Variants in CYFIP1 observed in about 807,000 individuals in gnomAD.
The protein encoded by CYFIP1 is cytoplasmic FMR1-interacting protein 1.
Under a neutral mutation model 163.5 loss-of-function variants are expected in CYFIP1, and 58 were observed. The observed-to-expected ratio is 0.35, with a 90% CI of 0.29 to 0.44. The LOEUF (loss-of-function observed/expected upper bound fraction) is 0.44. Ranked by LOEUF, CYFIP1 falls within the 20% of genes least tolerant of loss-of-function variation. The probability of loss-of-function intolerance (pLI) is 1.00; values close to 1 mark genes in which losing one functional copy is unlikely to be tolerated. For missense variants in CYFIP1, 1,338 were observed against 1,653.8 expected (o/e 0.81, Z 3.31); for synonymous variants, 663 against 660.7 (o/e 1.00, Z -0.05).
At chr15:22,944,709 A>C (rs2061999620) in intron 4 of CYFIP1, 50 bp from the exon 5 acceptor site, 1 of 1,567,678 alleles carries the variant, frequency 6.4e-7, no homozygotes, top group Non-Finnish European at 8.8e-7. Context: ...TCCAGCCAGA[A>C]GCAGCCGCTG....
intron 9 of CYFIP1, among the ~76,000 whole-genome samples, chr15:22,934,971 G>T (rs1031155999): frequency 3.9e-5 from 6 of 152,146 alleles, no homozygotes; most frequent in Non-Finnish European, 8.8e-5. Context: ...ATGGAGAAAT[G>T]ATCATGTTTG....
intron 23 of CYFIP1, among the ~76,000 whole-genome samples, chr15:22,892,455 C>T (rs1566935702): frequency 6.6e-6 from 1 of 152,134 alleles, no homozygotes; most frequent in Non-Finnish European, 1.5e-5. Context: ...CTTCCCTGGG[C>T]TCACCTTTCC....
At chr15:22,950,518 T>C (rs2062212654) in intron 1 of CYFIP1, among the ~76,000 whole-genome samples, 1 of 152,042 alleles carries the variant, frequency 6.6e-6, no homozygotes, top group East Asian at 1.9e-4. Flanking sequence ...GAAGAAGAAA[T>C]GCCATAGCCA....
At chr15:22,972,155 G>A (rs2063121751) in intron 1 of CYFIP1, among the ~76,000 whole-genome samples, 1 of 152,186 alleles carries the variant, frequency 6.6e-6, no homozygotes, top group Non-Finnish European at 1.5e-5. Context: ...TACTACAGAG[G>A]CTGGGCATGG....
At chr15:22,908,196 C>CA (rs1267254427) in intron 21 of CYFIP1, among the ~76,000 whole-genome samples, 2 of 152,146 alleles carry the variant, frequency 1.3e-5, no homozygotes, top group Non-Finnish European at 2.9e-5. Flanking sequence ...TGTGAAGACT[C>CA]ACACTGCAAA....
At chr15:22,957,528 A>T (rs112663017) in intron 1 of CYFIP1, among the ~76,000 whole-genome samples, 8 of 151,916 alleles carry the variant, frequency 5.3e-5, no homozygotes, top group African/African-American at 9.7e-5. Flanking sequence ...GCCAGCTACT[A>T]GGGAGGCTGA....
intron 1 of CYFIP1, among the ~76,000 whole-genome samples, chr15:22,961,175 C>T (rs934189833): frequency 1.6e-4 from 25 of 151,570 alleles, no homozygotes; most frequent in African/African-American, 5.6e-4. Context: ...GGGCTCGCCA[C>T]CATGCCGGGC....
At chr15:22,940,668 T>C (rs1395016199) in intron 6 of CYFIP1, among the ~76,000 whole-genome samples, 1 of 152,218 alleles carries the variant, frequency 6.6e-6, no homozygotes, top group Non-Finnish European at 1.5e-5. Flanking sequence ...AAAGCCACTG[T>C]TATTTATCTG....
chr15:22,936,484 C>T (rs2088877361), intron 9 of CYFIP1, among the ~76,000 whole-genome samples: 1 of 152,162 alleles, frequency 6.6e-6, no homozygotes, highest in South Asian at 2.1e-4. Context: ...GGATATCCCC[C>T]CACCCCAAAA....
intron 16 of CYFIP1, among the ~76,000 whole-genome samples, chr15:22,915,993 G>A (rs1384720751): frequency 6.6e-6 from 1 of 152,190 alleles, no homozygotes; most frequent in Non-Finnish European, 1.5e-5. Flanking sequence ...AGCAAGAGGT[G>A]GACAACGGAG....
intron 23 of CYFIP1, among the ~76,000 whole-genome samples, chr15:22,884,634 G>A (rs182023211): frequency 1.3e-5 from 2 of 152,274 alleles, no homozygotes; most frequent in South Asian, 2.1e-4. Flanking sequence ...GCTGACTGGG[G>A]TCTGGAGGAG....
At chr15:22,922,155 T>C (rs2061206615) in intron 13 of CYFIP1, among the ~76,000 whole-genome samples, 1 of 152,090 alleles carries the variant, frequency 6.6e-6, no homozygotes, top group African/African-American at 2.4e-5. Flanking sequence ...CTTGGGAGTG[T>C]CCTGCCTAGA....
At chr15:22,899,852 AG>A (rs2141994464) in intron 22 of CYFIP1, among the ~76,000 whole-genome samples, 1 of 152,264 alleles carries the variant, frequency 6.6e-6, no homozygotes, top group African/African-American at 2.4e-5. Flanking sequence ...ATTCAAGACC[AG>A]CCTGGCTAAC....
At chr15:22,892,039 G>A (rs2032051130) in intron 23 of CYFIP1, among the ~76,000 whole-genome samples, 1 of 152,142 alleles carries the variant, frequency 6.6e-6, no homozygotes, top group Non-Finnish European at 1.5e-5. Flanking sequence ...TGCCCCCACC[G>A]CAGAGCCCGG....
At chr15:22,897,377 T>C (rs1479001904) in intron 22 of CYFIP1, among the ~76,000 whole-genome samples, 2 of 151,822 alleles carry the variant, frequency 1.3e-5, no homozygotes, top group Admixed American at 6.6e-5. Context: ...TACTTGTCAA[T>C]CTGCTGGATC....
At chr15:22,914,957 T>C (rs2060920202) in intron 16 of CYFIP1, 75 bp from the exon 17 acceptor site, 3 of 1,477,268 alleles carry the variant, frequency 2.0e-6, no homozygotes, top group African/African-American at 1.4e-5. Flanking sequence ...ACACAAGGGC[T>C]GTGTGCTGGG....
chr15:22,971,088 A>C (rs1014796113), intron 1 of CYFIP1, among the ~76,000 whole-genome samples: 1 of 152,122 alleles, frequency 6.6e-6, no homozygotes, highest in Non-Finnish European at 1.5e-5. Flanking sequence ...AAAAAAACCA[A>C]ACACACACAC....
Position 22,979,864 on chromosome 15 carries a change from A to G in CYFIP1, c.-7+423T>C, listed in dbSNP as rs927133055. On this transcript the variant is annotated intron_variant, in intron 1 of 30. Coordinates refer to ENST00000617928, the MANE Select transcript of CYFIP1 (RefSeq NM_014608.6). The stretch of plus-strand genomic sequence containing the variant: ...GCTGCGCGACCTTAGTGCAACATTA[A>G]CAATCTGCCTGCTCCTTACTTTCCA... Among the ~76,000 whole-genome samples the G allele has an allele frequency of 3.3e-5, 5 of 152,190 alleles. No individual in the cohort carries two copies. In the South Asian group the frequency reaches 1.0e-3, roughly 31 times the overall value.
chr15:22,914,720 A>G lies in CYFIP1; in HGVS notation c.1985+6T>C. On this transcript the variant is annotated splice_donor_region_variant and intron_variant, in intron 17 of 30. Coordinates refer to ENST00000617928, the MANE Select transcript of CYFIP1 (RefSeq NM_014608.6). ...AAGGCTGGAGACAGGCCCGCAGGAC[A>G]CGCACTCCATCATCGATGCCTCCTT... The G allele has an allele frequency of 6.2e-7, 1 of 1,608,506 alleles. No individual in the cohort carries two copies. Among genetic ancestry groups the G allele is most frequent in the Non-Finnish European group, 8.5e-7 (1 of 1,177,040 alleles).
Sources: gnomAD v4.1 joint callset for allele counts (sites outside exome capture counted in the v4.1 genomes callset) on GRCh38, gnomAD v4.1.1 for gene constraint, MANE v1.5 for transcripts, NCBI Gene and HGNC (gene_info 2026-07-23, HGNC 2026-07-21) for gene names.